GRIP1: variants seen among roughly 807,000 people sequenced by gnomAD.
GRIP1 encodes glutamate receptor-interacting protein 1.
A neutral mutation model predicts 129.9 loss-of-function variants in GRIP1; 45 were observed. The observed-to-expected ratio is 0.35, with a 90% CI of 0.27 to 0.44. The LOEUF (loss-of-function observed/expected upper bound fraction) is 0.44. Among genes scored for constraint, GRIP1 ranks in the 20% least tolerant of loss-of-function variants. The pLI, the probability that GRIP1 is intolerant of heterozygous loss-of-function variation, is 1.00. For synonymous variants in GRIP1, 530 were observed against 520.8 expected, an observed-to-expected ratio of 1.02 and a Z score of -0.24; for missense variants, 1,196 against 1,396.8, an observed-to-expected ratio of 0.86 and a Z score of 2.29.
At chr12:66,602,334 G>C (rs2064312395) in intron 1 of GRIP1, among the ~76,000 whole-genome samples, 1 of 152,164 alleles carries the variant, frequency 6.6e-6, no homozygotes, top group Admixed American at 6.5e-5. Flanking sequence ...TTTGACAACA[G>C]AGCTTAATTA....
chr12:66,774,561 G>A (rs2037919525), intron 1 of GRIP1, among the ~76,000 whole-genome samples: 1 of 152,194 alleles, frequency 6.6e-6, no homozygotes, highest in Non-Finnish European at 1.5e-5. Flanking sequence ...AAGTGGGGAG[G>A]TGTAGACTTA....
intron 1 of GRIP1, among the ~76,000 whole-genome samples, chr12:67,055,359 C>T (rs1433845808): frequency 2.7e-5 from 4 of 145,714 alleles, no homozygotes; most frequent in African/African-American, 1.1e-4. Context: ...TAAGAGTACA[C>T]CGTTAGGCTT....
At chr12:66,612,314 C>G (rs1320709836) in intron 1 of GRIP1, among the ~76,000 whole-genome samples, 1 of 152,222 alleles carries the variant, frequency 6.6e-6, no homozygotes, top group East Asian at 1.9e-4. Flanking sequence ...ACCTATACAG[C>G]ATGTGACTGT....
intron 1 of GRIP1, among the ~76,000 whole-genome samples, chr12:66,970,540 C>CTTTT (rs3051201): frequency 3.1e-5 from 4 of 129,756 alleles, no homozygotes; most frequent in Admixed American, 8.0e-5. Flanking sequence ...CCTCTAGTGT[C>CTTTT]TTTTTTTTTT....
intron 7 of GRIP1, among the ~76,000 whole-genome samples, chr12:66,487,862 C>G (rs917596082): frequency 2.0e-5 from 3 of 150,216 alleles, no homozygotes; most frequent in East Asian, 4.1e-4. Flanking sequence ...GACTTTAAAC[C>G]AACAAAGATA....
intron 2 of GRIP1, among the ~76,000 whole-genome samples, chr12:66,567,012 T>C (rs1305278364): frequency 6.6e-6 from 1 of 152,206 alleles, no homozygotes; most frequent in Non-Finnish European, 1.5e-5. Context: ...ATGTATTCTC[T>C]CTTTTCTTCT....
chr12:66,773,026 G>A (rs962084523), intron 1 of GRIP1, among the ~76,000 whole-genome samples: 4 of 152,128 alleles, frequency 2.6e-5, no homozygotes, highest in African/African-American at 9.7e-5. Context: ...TGTCTGTTAA[G>A]GAAATTCAAG....
At position 66,392,384 on chromosome 12, in the gene GRIP1, G is replaced by A. The variant is rs1369774092; in HGVS notation, c.2388C>T (p.Pro796=). 1.9e-6 allele frequency: 3 copies of A among 1,613,652 alleles called. No homozygotes were observed. In the Admixed American group the frequency reaches 5.0e-5, roughly 27 times the overall value. The change falls in exon 19 of 25, where the codon CCC becomes CCT. Residue 796 remains proline, a synonymous_variant. Coordinates refer to ENST00000359742, the MANE Select transcript of GRIP1 (RefSeq NM_001366722.1). ...QKPGKLSDMY[P]STVPSVDSAV... ...CACTGTCCACACTGGGCACCGTGGA[G>A]GGGTACATGTCGGAGAGCTTGCCTG... is the stretch of plus-strand genomic sequence containing the variant.
intron 7 of GRIP1, among the ~76,000 whole-genome samples, chr12:66,470,299 G>T (rs537106011): frequency 4.6e-5 from 7 of 152,210 alleles, no homozygotes; most frequent in African/African-American, 1.7e-4. Context: ...CCACCATTCT[G>T]CCCTGCTTCT....
chr12:66,953,718 G>A lies in GRIP1; in HGVS notation c.58+115332C>T, dbSNP rs571037546. Among the ~76,000 whole-genome samples the A allele has an allele frequency of 7.2e-5, 11 of 152,216 alleles. No individual in the cohort carries two copies. The South Asian group carries it at 1.0e-3, about 14-fold the overall frequency. On this transcript the variant is annotated intron_variant, in intron 1 of 1. Transcript: ENST00000643019. ...TTCTCACCAGGGATGACAGATTAAA[G>A]AGGCAGCACTATAAAAGATTAGGAA...
chr12:66,849,055 A>C (rs1222060596), intron 1 of GRIP1, among the ~76,000 whole-genome samples: 2 of 152,108 alleles, frequency 1.3e-5, no homozygotes, highest in African/African-American at 4.8e-5. Flanking sequence ...CATCCTCCTA[A>C]AGCACAGTTC....
intron 1 of GRIP1, among the ~76,000 whole-genome samples, chr12:66,967,991 C>T (rs1048981880): frequency 3.9e-5 from 6 of 152,116 alleles, no homozygotes; most frequent in Non-Finnish European, 8.8e-5. Context: ...TACGTCCTTA[C>T]TGATTTTCTG....
chr12:66,642,839 T>C (rs2032050320), intron 1 of GRIP1, among the ~76,000 whole-genome samples: 1 of 152,062 alleles, frequency 6.6e-6, no homozygotes, highest in Admixed American at 6.6e-5. Flanking sequence ...AGCACAGAAA[T>C]AATGCAGATG....
chr12:66,867,482 T>C (rs964671259), intron 1 of GRIP1, among the ~76,000 whole-genome samples: 3 of 152,170 alleles, frequency 2.0e-5, no homozygotes, highest in Non-Finnish European at 2.9e-5. Flanking sequence ...ACAGGCAAAG[T>C]GTAGGCAAGG....
At chr12:66,907,149 A>AT (rs1168504938) in intron 1 of GRIP1, among the ~76,000 whole-genome samples, 2 of 152,058 alleles carry the variant, frequency 1.3e-5, no homozygotes, top group Non-Finnish European at 2.9e-5. Context: ...AAACCTTGTC[A>AT]TTTTTTGTTA....
chr12:66,477,375 A>G (rs1408099791), intron 7 of GRIP1, among the ~76,000 whole-genome samples: 1 of 151,932 alleles, frequency 6.6e-6, no homozygotes, highest in African/African-American at 2.4e-5. Flanking sequence ...AATGAAATAA[A>G]AGAGGATACA....
intron 11 of GRIP1, among the ~76,000 whole-genome samples, chr12:66,451,897 A>C (rs992970093): frequency 6.6e-6 from 1 of 152,162 alleles, no homozygotes; most frequent in African/African-American, 2.4e-5. Flanking sequence ...ATAAAAGCTT[A>C]CCAGTAGCTG....
At chr12:66,687,513 G>A (rs983379678) in intron 1 of GRIP1, among the ~76,000 whole-genome samples, 1 of 151,950 alleles carries the variant, frequency 6.6e-6, no homozygotes, top group Non-Finnish European at 1.5e-5. Flanking sequence ...CAGCCACCAT[G>A]ATGGGCCCTG....
At chr12:66,740,087 A>C (rs1219357759) in intron 1 of GRIP1, among the ~76,000 whole-genome samples, 1 of 152,150 alleles carries the variant, frequency 6.6e-6, no homozygotes, top group Non-Finnish European at 1.5e-5. Flanking sequence ...AATGTGAACT[A>C]AGGAGAGCCT....
Sources: gnomAD v4.1 joint callset for allele counts (sites outside exome capture counted in the v4.1 genomes callset) on GRCh38, gnomAD v4.1.1 for gene constraint, MANE v1.5 for transcripts, NCBI Gene and HGNC (gene_info 2026-07-23, HGNC 2026-07-21) for gene names.